The following PDE11A variants were observed in gnomAD, a reference collection of about 807,000 sequenced individuals.
PDE11A encodes the protein phosphodiesterase 11A, also known as dual 3',5'-cyclic-AMP and -GMP phosphodiesterase 11A.
PDE11A carries 100 observed loss-of-function variants against 100.5 expected under a neutral mutation model. The ratio of observed to expected loss-of-function variants is 1.00; its 90% CI spans 0.85 to 1.18. The LOEUF (loss-of-function observed/expected upper bound fraction) is 1.18. PDE11A is among the 50% of genes most tolerant of loss of function. The pLI is 0.00. For missense variants in PDE11A, 1,141 were observed against 1,152.6 expected (o/e 0.99, Z 0.15); for synonymous variants, 381 against 420.8 (o/e 0.91, Z 1.16).
intron 2 of PDE11A, among the ~76,000 whole-genome samples, chr2:178,102,888 T>C (rs558003885): frequency 6.6e-6 from 1 of 152,198 alleles, no homozygotes; most frequent in Non-Finnish European, 1.5e-5. Flanking sequence ...TGGTGTAGGA[T>C]GAGCCCTTAA....
In PDE11A at chr2:177,629,291, G is replaced by A; in HGVS notation, c.*116C>T. 2.1e-6 allele frequency: 2 copies of A among 933,642 alleles called. No homozygotes were observed. Among genetic ancestry groups the A allele is most frequent in the South Asian group, 2.6e-5 (2 of 76,368 alleles). 57.8% of individuals were successfully genotyped at this position (933,642 alleles called of 1,614,324 possible). A position where few individuals can be genotyped will look rare whatever the true frequency, so the allele number is the denominator to read the frequency against. ...GGTGAAAGCCCAGGCATGCTTCCCA[G>A]TGCATCCTTGAGATGTTAGGTCTTT... On this transcript the variant is annotated 3_prime_UTR_variant, in exon 20 of 20. Coordinates refer to ENST00000286063, the MANE Select transcript of PDE11A (RefSeq NM_016953.4).
chr2:177,924,229 T>C (rs1181335057), intron 2 of PDE11A, among the ~76,000 whole-genome samples: 3 of 152,216 alleles, frequency 2.0e-5, no homozygotes, highest in Non-Finnish European at 4.4e-5. Context: ...TATGATCACA[T>C]ATGAACCCAA....
At chr2:177,697,480 G>A in intron 14 of PDE11A, 48 bp from the exon 15 acceptor site, 1 of 898,248 alleles carries the variant, frequency 1.1e-6, no homozygotes, top group Non-Finnish European at 1.9e-6. Flanking sequence ...ATCTGTGGTT[G>A]TTGATTACAT....
chr2:178,026,500 A>G (rs921275294), intron 1 of PDE11A, among the ~76,000 whole-genome samples: 7 of 152,022 alleles, frequency 4.6e-5, no homozygotes, highest in African/African-American at 1.7e-4. Context: ...GTCTTTACTA[A>G]AAATACAAAA....
chr2:177,740,525 A>G (rs533675599), intron 10 of PDE11A, among the ~76,000 whole-genome samples: 1 of 152,364 alleles, frequency 6.6e-6, no homozygotes, highest in South Asian at 2.1e-4. Flanking sequence ...TCCATAGCAC[A>G]GATGAAGTAA....
At chr2:177,798,598 AAGTTCTT>A (rs1344225282) in intron 9 of PDE11A, among the ~76,000 whole-genome samples, 1 of 152,178 alleles carries the variant, frequency 6.6e-6, no homozygotes, top group Non-Finnish European at 1.5e-5. Context: ...GCATACACAT[AAGTTCTT>A]TTTTGTTGCT....
At chr2:177,690,417 T>C (rs2081025623) in intron 15 of PDE11A, among the ~76,000 whole-genome samples, 1 of 152,224 alleles carries the variant, frequency 6.6e-6, no homozygotes, top group Non-Finnish European at 1.5e-5. Context: ...ACACTGAACA[T>C]AGCTGGCTTT....
intron 15 of PDE11A, chr2:177,686,995 G>GC (rs1559143140): frequency 3.9e-5 from 6 of 152,002 alleles, no homozygotes; most frequent in African/African-American, 1.5e-4. Context: ...GGGATTACAG[G>GC]CATGAGCCAT....
chr2:177,854,801 C>A (rs1399940496), intron 5 of PDE11A, among the ~76,000 whole-genome samples: 1 of 152,114 alleles, frequency 6.6e-6, no homozygotes, highest in East Asian at 1.9e-4. Flanking sequence ...CTAATTCAGA[C>A]CTGCTCAGCC....
chr2:178,043,909 G>A (rs2086713432), intron 1 of PDE11A, among the ~76,000 whole-genome samples: 1 of 152,162 alleles, frequency 6.6e-6, no homozygotes, highest in South Asian at 2.1e-4. Context: ...ACCATATTAT[G>A]TTACTTTGAA....
chr2:178,020,786 A>G (rs770107238), intron 1 of PDE11A, among the ~76,000 whole-genome samples: 49 of 152,168 alleles, frequency 3.2e-4, no homozygotes, highest in Non-Finnish European at 5.4e-4. Context: ...CGACAGAGCA[A>G]GACTCTGTCT....
At chr2:177,770,600 ATCTGGT>A (rs368981163) in intron 9 of PDE11A, among the ~76,000 whole-genome samples, 30 of 152,242 alleles carry the variant, frequency 2.0e-4, no homozygotes, top group African/African-American at 7.2e-4. Context: ...GTGCAGCAAA[ATCTGGT>A]GTGTATGAGG....
chr2:178,093,180 T>C (rs1453833017), intron 2 of PDE11A, among the ~76,000 whole-genome samples: 2 of 152,240 alleles, frequency 1.3e-5, no homozygotes, highest in Non-Finnish European at 1.5e-5. Context: ...AACAGTCGCA[T>C]ACTGTTTAGG....
At chr2:178,080,818 A>T (rs540634249) in intron 2 of PDE11A, among the ~76,000 whole-genome samples, 9 of 152,130 alleles carry the variant, frequency 5.9e-5, no homozygotes, top group South Asian at 2.1e-4. Context: ...CTAATAAATT[A>T]AAAAAAACAT....
intron 2 of PDE11A, among the ~76,000 whole-genome samples, chr2:178,094,374 G>GA (rs1397839762): frequency 9.3e-5 from 14 of 149,856 alleles, no homozygotes; most frequent in South Asian, 2.1e-4. Flanking sequence ...ACAAAAAATA[G>GA]AAAAAAAAAT....
At chr2:177,727,970 TG>T in intron 11 of PDE11A, 55 bp downstream of exon 11, 1 of 1,488,146 alleles carries the variant, frequency 6.7e-7, no homozygotes, top group Non-Finnish European at 9.4e-7. Flanking sequence ...TGGTTCAGAG[TG>T]GCTAACACGT....
intron 2 of PDE11A, among the ~76,000 whole-genome samples, chr2:177,951,064 CTGTG>C (rs2085499872): frequency 6.6e-6 from 1 of 152,120 alleles, no homozygotes; most frequent in South Asian, 2.1e-4. Flanking sequence ...CAATTCAAGT[CTGTG>C]TAACTTTCCT....
At chr2:177,899,285 C>T (rs2084662956) in intron 3 of PDE11A, among the ~76,000 whole-genome samples, 1 of 152,090 alleles carries the variant, frequency 6.6e-6, no homozygotes, top group African/African-American at 2.4e-5. Flanking sequence ...TGGCATGTTC[C>T]CGTAGTCCCA....
At chr2:177,655,217 T>G (rs541877009) in intron 19 of PDE11A, among the ~76,000 whole-genome samples, 1 of 152,324 alleles carries the variant, frequency 6.6e-6, no homozygotes, top group East Asian at 1.9e-4. Context: ...TACATATGAA[T>G]AGGAATATAT....
Sources: gnomAD v4.1 joint callset for allele counts (sites outside exome capture counted in the v4.1 genomes callset) on GRCh38, gnomAD v4.1.1 for gene constraint, MANE v1.5 for transcripts, NCBI Gene and HGNC (gene_info 2026-07-23, HGNC 2026-07-21) for gene names.